Variants in ANK3 observed in about 807,000 individuals in gnomAD.
ANK3 encodes ankyrin 3, also known as ankyrin-3.
In ANK3, 57 loss-of-function variants were observed where a neutral mutation model predicts 370.9. The observed-to-expected ratio is 0.15, with a 90% confidence interval of 0.12 to 0.19. ANK3 has a LOEUF of 0.19. Among genes scored for constraint, ANK3 ranks in the 10% least tolerant of loss-of-function variants. ANK3 has a pLI of 1.00. For synonymous variants in ANK3, 1,929 were observed against 1,946.3 expected (o/e 0.99, Z 0.23); for missense variants, 4,439 against 5,302.1 (o/e 0.84, Z 5.06).
At chr10:60,304,702 C>T (rs2044607944) in intron 1 of ANK3, among the ~76,000 whole-genome samples, 2 of 151,984 alleles carry the variant, frequency 1.3e-5, no homozygotes, top group Non-Finnish European at 2.9e-5. Flanking sequence ...TTAATTTTTA[C>T]CTTTATAAAG....
intron 2 of ANK3, among the ~76,000 whole-genome samples, chr10:60,612,026 T>C (rs1373150329): frequency 6.6e-6 from 1 of 152,110 alleles, no homozygotes; most frequent in African/African-American, 2.4e-5. Flanking sequence ...CCCTATGAAG[T>C]GTACACTGTC....
At chr10:60,348,366 A>C (rs1035890852) in intron 1 of ANK3, among the ~76,000 whole-genome samples, 1 of 97,872 alleles carries the variant, frequency 1.0e-5, no homozygotes, top group Admixed American at 1.1e-4. Flanking sequence ...AAAAAAAAAA[A>C]AAAACACAAA....
intron 1 of ANK3, among the ~76,000 whole-genome samples, chr10:60,630,176 T>A (rs1424808319): frequency 6.6e-6 from 1 of 152,066 alleles, no homozygotes; most frequent in African/African-American, 2.4e-5. Flanking sequence ...GGGCATGATA[T>A]CTCCCTCCTC....
chr10:60,633,652 A>ATTTTTTTTTTCTCT (rs2078514047), intron 1 of ANK3, among the ~76,000 whole-genome samples: 1 of 152,206 alleles, frequency 6.6e-6, no homozygotes, highest in Non-Finnish European at 1.5e-5. Flanking sequence ...TTTTAAAAAA[A>ATTTTTTTTTTCTCT]TAGAGCTGGG....
At chr10:60,108,755 C>T (rs1276781255) in intron 27 of ANK3, 75 bp downstream of exon 27, 2 of 1,294,626 alleles carry the variant, frequency 1.5e-6, no homozygotes, top group Non-Finnish European at 1.1e-6. Flanking sequence ...AGAGTTATCT[C>T]CTTGAGTTAA....
chr10:60,285,044 G>A (rs1309055174), intron 1 of ANK3, among the ~76,000 whole-genome samples: 9 of 152,018 alleles, frequency 5.9e-5, no homozygotes, highest in Admixed American at 2.6e-4. Flanking sequence ...TGCAAGTGAT[G>A]ATCGCCTCTA....
At chr10:60,317,389 G>A (rs930077999) in intron 1 of ANK3, among the ~76,000 whole-genome samples, 14 of 152,092 alleles carry the variant, frequency 9.2e-5, no homozygotes, top group African/African-American at 1.7e-4. Flanking sequence ...TTCCTAAAGT[G>A]CTGGGATTAC....
intron 30 of ANK3, 126 bp from the exon 31 acceptor site, chr10:60,085,379 T>C: frequency 1.7e-6 from 1 of 602,630 alleles, no homozygotes; most frequent in Non-Finnish European, 2.9e-6. Context: ...TTCAGTTTAA[T>C]AGTGTGTACT....
At chr10:60,247,190 G>T (rs2097568979) in intron 7 of ANK3, among the ~76,000 whole-genome samples, 2 of 151,860 alleles carry the variant, frequency 1.3e-5, no homozygotes, top group African/African-American at 4.8e-5. Context: ...TAATTTTTTT[G>T]TATTTTTTAG....
At chr10:60,522,376 C>T (rs931203532) in intron 2 of ANK3, among the ~76,000 whole-genome samples, 1 of 148,502 alleles carries the variant, frequency 6.7e-6, no homozygotes, top group Non-Finnish European at 1.5e-5. Flanking sequence ...CCAATGCATG[C>T]TTTTGGGCCA....
intron 25 of ANK3, among the ~76,000 whole-genome samples, chr10:60,120,134 A>G (rs977234006): frequency 3.3e-5 from 5 of 152,316 alleles, no homozygotes; most frequent in African/African-American, 1.2e-4. Context: ...AGTGGAACAC[A>G]ATATAGAACC....
At chr10:60,671,448 C>A (rs1237909444) in intron 1 of ANK3, among the ~76,000 whole-genome samples, 2 of 152,242 alleles carry the variant, frequency 1.3e-5, no homozygotes, top group South Asian at 2.1e-4. Flanking sequence ...GTATCTCAAT[C>A]TAAGTGGGTC....
At chr10:60,125,915 T>C (rs1452951252) in intron 25 of ANK3, among the ~76,000 whole-genome samples, 5 of 152,194 alleles carry the variant, frequency 3.3e-5, no homozygotes, top group African/African-American at 7.2e-5. Flanking sequence ...ACTAAATGTA[T>C]ATGAAATCAT....
At chr10:60,376,110 C>T (rs554451259) in intron 1 of ANK3, among the ~76,000 whole-genome samples, 1 of 152,134 alleles carries the variant, frequency 6.6e-6, no homozygotes, top group Non-Finnish European at 1.5e-5. Flanking sequence ...GTAATTGTGT[C>T]AAGATTCAAA....
Position 60,592,497 on chromosome 10 carries a change from C to T in ANK3, c.96+22689G>A, listed in dbSNP as rs532525101. On this transcript the variant is annotated intron_variant, in intron 2 of 43. Transcript: ENST00000373827. Reference sequence around the variant, plus strand: ...AATTTTGGCTGGGCATGGTAGCTCACGCCTGTAATCCCAGCTCTTTGGGAG... The same window carrying T: ...AATTTTGGCTGGGCATGGTAGCTCATGCCTGTAATCCCAGCTCTTTGGGAG... Among the ~76,000 whole-genome samples, 9 of 152,312 alleles carry T rather than the reference C, an allele frequency of 5.9e-5. No homozygotes were observed. In the South Asian group the frequency reaches 6.2e-4, roughly 11 times the overall value.
intron 2 of ANK3, among the ~76,000 whole-genome samples, chr10:60,406,445 A>G (rs2063457996): frequency 6.6e-6 from 1 of 152,212 alleles, no homozygotes; most frequent in African/African-American, 2.4e-5. Flanking sequence ...ACCTCAGGTC[A>G]TCAGGCATTA....
At chr10:60,384,021 T>C (rs1392578153) in intron 1 of ANK3, among the ~76,000 whole-genome samples, 1 of 152,198 alleles carries the variant, frequency 6.6e-6, no homozygotes, top group African/African-American at 2.4e-5. Flanking sequence ...CAAAGTCCTT[T>C]GACCCAAGTT....
At chr10:60,390,399 G>C (rs997720329), upstream of ANK3, among the ~76,000 whole-genome samples, 2 of 152,156 alleles carry the variant, frequency 1.3e-5, no homozygotes, top group African/African-American at 4.8e-5. Context: ...TGGGGTCTGA[G>C]GGTCAGGAAT....
At chr10:60,415,029 C>T (rs1242128339) in intron 2 of ANK3, among the ~76,000 whole-genome samples, 3 of 152,192 alleles carry the variant, frequency 2.0e-5, no homozygotes, top group Non-Finnish European at 4.4e-5. Context: ...CCCTGACACA[C>T]GCCTGGGGGA....
Sources: allele counts gnomAD v4.1 joint callset (sites outside exome capture counted in the v4.1 genomes callset), GRCh38; gene constraint gnomAD v4.1.1; transcripts MANE v1.5; gene names NCBI Gene and HGNC (gene_info 2026-07-23, HGNC 2026-07-21).